Variants in PDGFC observed in about 807,000 individuals in gnomAD.
The protein encoded by PDGFC is platelet-derived growth factor C.
In PDGFC, 12 loss-of-function variants were observed where a neutral mutation model predicts 35.5. The ratio of observed to expected loss-of-function variants is 0.34; its 90% CI spans 0.22 to 0.55. PDGFC has a LOEUF of 0.55. Ranked by LOEUF, PDGFC falls within the 20% of genes least tolerant of loss-of-function variation. PDGFC has a pLI of 0.91. For synonymous variants in PDGFC, 159 were observed against 148.8 expected (o/e 1.07, Z -0.50); for missense variants, 322 against 412.4 (o/e 0.78, Z 1.90).
chr4:156,788,562 A>C (rs1433298038), intron 3 of PDGFC, among the ~76,000 whole-genome samples: 10 of 152,316 alleles, frequency 6.6e-5, no homozygotes, highest in Middle Eastern at 3.4e-3. Flanking sequence ...AACTGGTGAA[A>C]TTCAAATCCG....
At chr4:156,933,890 G>T (rs1731614156) in intron 1 of PDGFC, among the ~76,000 whole-genome samples, 1 of 152,056 alleles carries the variant, frequency 6.6e-6, no homozygotes, top group African/African-American at 2.4e-5. Context: ...TGCCACAATT[G>T]TAAGTTTCCC....
intron 1 of PDGFC, among the ~76,000 whole-genome samples, chr4:156,932,567 T>C (rs1560879305): frequency 6.6e-6 from 1 of 151,248 alleles, no homozygotes; most frequent in African/African-American, 2.4e-5. Flanking sequence ...TATGCAGCCA[T>C]AAAAAATGAT....
chr4:156,897,565 T>C (rs1352782420), intron 1 of PDGFC, among the ~76,000 whole-genome samples: 1 of 152,186 alleles, frequency 6.6e-6, no homozygotes, highest in African/African-American at 2.4e-5. Context: ...AAATTATATA[T>C]ATTTTTTTCT....
chr4:156,902,378 C>T (rs1362445255), intron 1 of PDGFC, among the ~76,000 whole-genome samples: 1 of 151,972 alleles, frequency 6.6e-6, no homozygotes, highest in African/African-American at 2.4e-5. Flanking sequence ...AGTTGAAGAC[C>T]CTGTTTCCTT....
chr4:156,930,667 A>G (rs989062922), intron 1 of PDGFC, among the ~76,000 whole-genome samples: 2 of 152,230 alleles, frequency 1.3e-5, no homozygotes, highest in Admixed American at 6.5e-5. Context: ...CAGGAGTTCA[A>G]GACCAGCCTG....
intron 1 of PDGFC, chr4:156,967,246 C>T (rs547222806): frequency 6.6e-6 from 1 of 152,088 alleles, no homozygotes. Context: ...GACTGGGCAC[C>T]TTTTTTAATT....
At chr4:156,808,379 A>G (rs762927620) in intron 3 of PDGFC, among the ~76,000 whole-genome samples, 2 of 152,068 alleles carry the variant, frequency 1.3e-5, no homozygotes, top group South Asian at 2.1e-4. Flanking sequence ...GTGGAATCTA[A>G]AGTGGAATTT....
intron 2 of PDGFC, among the ~76,000 whole-genome samples, chr4:156,818,046 C>T (rs1732141049): frequency 7.0e-6 from 1 of 142,144 alleles, no homozygotes; most frequent in African/African-American, 2.7e-5. Context: ...GAGACAAGAG[C>T]AATACTCCGT....
intron 2 of PDGFC, among the ~76,000 whole-genome samples, chr4:156,828,339 A>T (rs9307953): frequency 0.3 from 45,369 of 152,046 alleles, 9,401 homozygotes; most frequent in African/African-American, 0.58. Context: ...TTACTTCTTA[A>T]CAGATACAGA....
At chr4:156,821,255 G>A (rs773812067) in intron 2 of PDGFC, among the ~76,000 whole-genome samples, 2 of 151,580 alleles carry the variant, frequency 1.3e-5, no homozygotes, top group African/African-American at 2.4e-5. Flanking sequence ...TTTTGAAACC[G>A]TCTCACTCTG....
intron 1 of PDGFC, among the ~76,000 whole-genome samples, chr4:156,854,280 T>C (rs947650056): frequency 1.3e-5 from 2 of 152,180 alleles, no homozygotes; most frequent in Admixed American, 6.5e-5. Context: ...GTGTGGCATA[T>C]AATTGAGAAA....
chr4:156,923,436 A>G (rs1035551529), intron 1 of PDGFC, among the ~76,000 whole-genome samples: 1 of 152,252 alleles, frequency 6.6e-6, no homozygotes, highest in Non-Finnish European at 1.5e-5. Flanking sequence ...TTCAATGAAT[A>G]GATATAGAAA....
intron 1 of PDGFC, among the ~76,000 whole-genome samples, chr4:156,920,263 C>T (rs951109358): frequency 3.9e-5 from 6 of 152,170 alleles, no homozygotes; most frequent in East Asian, 1.9e-4. Context: ...TAACATCAAC[C>T]GGTTGTTTTG....
At chr4:156,835,493 G>A (rs1729041847) in intron 2 of PDGFC, among the ~76,000 whole-genome samples, 2 of 152,072 alleles carry the variant, frequency 1.3e-5, no homozygotes, top group South Asian at 4.1e-4. Flanking sequence ...AAAAATGTTA[G>A]TGTCTCTGTA....
intron 1 of PDGFC, among the ~76,000 whole-genome samples, chr4:156,909,897 T>C (rs1254483582): frequency 6.6e-6 from 1 of 152,118 alleles, no homozygotes; most frequent in African/African-American, 2.4e-5. Flanking sequence ...CTGGTGCCCT[T>C]GTAAGAGAAA....
chr4:156,855,704 GT>G (rs1285400570), intron 1 of PDGFC, among the ~76,000 whole-genome samples: 1 of 151,988 alleles, frequency 6.6e-6, no homozygotes, highest in Non-Finnish European at 1.5e-5. Flanking sequence ...TATGCTCACT[GT>G]TTTTTTCACC....
chr4:156,839,530 C>T (rs138590496), intron 2 of PDGFC, among the ~76,000 whole-genome samples: 297 of 152,188 alleles, frequency 2.0e-3, no homozygotes, highest in African/African-American at 6.7e-3. Context: ...TCTTTACAGC[C>T]GCGTGAGAAT....
chr4:156,802,549 C>CACACAT (rs1190092080), intron 3 of PDGFC, among the ~76,000 whole-genome samples: 1 of 122,780 alleles, frequency 8.1e-6, no homozygotes, highest in African/African-American at 4.0e-5. Context: ...GAAACATACA[C>CACACAT]ACACATACAC....
chr4:156,793,534 C>CATAT (rs66571528), intron 3 of PDGFC, among the ~76,000 whole-genome samples: 6,722 of 130,404 alleles, frequency 0.052, 159 homozygotes, highest in South Asian at 0.072. Context: ...GAATTATGTG[C>CATAT]ATATATATAT....
Sources: allele counts gnomAD v4.1 joint callset (sites outside exome capture counted in the v4.1 genomes callset), GRCh38; gene constraint gnomAD v4.1.1; transcripts MANE v1.5; gene names NCBI Gene and HGNC (gene_info 2026-07-23, HGNC 2026-07-21).